The following DPY19L2 variants were observed in gnomAD, a reference collection of about 807,000 sequenced individuals.
DPY19L2 encodes the protein dpy-19 like 2.
A neutral mutation model predicts 97.9 loss-of-function variants in DPY19L2; 34 were observed. The ratio of observed to expected loss-of-function variants is 0.35; its 90% CI spans 0.26 to 0.46. The LOEUF (loss-of-function observed/expected upper bound fraction) is 0.46. DPY19L2 is among the 20% of genes least tolerant of loss of function. DPY19L2 has a pLI of 1.00. For missense variants in DPY19L2, 623 were observed against 911.4 expected (o/e 0.68, Z 4.07); for synonymous variants, 230 against 307.9 (o/e 0.75, Z 2.65).
intron 11 of DPY19L2, among the ~76,000 whole-genome samples, chr12:63,615,254 T>C (rs1887652910): frequency 6.6e-6 from 1 of 152,142 alleles, no homozygotes; most frequent in South Asian, 2.1e-4. Flanking sequence ...AATTCATTAT[T>C]TTTAAAACTT....
At chr12:63,618,317 C>T (rs1888158457) in intron 9 of DPY19L2, 89 bp from the exon 10 acceptor site, 1 of 496,484 alleles carries the variant, frequency 2.0e-6, no homozygotes, top group African/African-American at 2.0e-5. Context: ...AAGAGGAGGG[C>T]TACAGTTCTA....
chr12:63,571,855 T>C (rs1161762394), intron 19 of DPY19L2, among the ~76,000 whole-genome samples: 4 of 152,128 alleles, frequency 2.6e-5, no homozygotes, highest in Non-Finnish European at 4.4e-5. Context: ...TAAAAAACAA[T>C]TACAAAATTG....
chr12:63,635,436 A>C (rs1891484750), intron 6 of DPY19L2, among the ~76,000 whole-genome samples: 1 of 152,174 alleles, frequency 6.6e-6, no homozygotes, highest in Non-Finnish European at 1.5e-5. Flanking sequence ...AAGGAGAATG[A>C]CTTTGACAAG....
intron 21 of DPY19L2, among the ~76,000 whole-genome samples, chr12:63,565,031 G>C (rs551315503): frequency 6.6e-6 from 1 of 152,228 alleles, no homozygotes; most frequent in African/African-American, 2.4e-5. Flanking sequence ...TGTTATTACA[G>C]TCACACCAGC....
intron 4 of DPY19L2, among the ~76,000 whole-genome samples, chr12:63,647,586 G>GATTC (rs1893595984): frequency 6.6e-6 from 1 of 152,078 alleles, no homozygotes; most frequent in Non-Finnish European, 1.5e-5. Context: ...AAGCTTTATA[G>GATTC]ATTCAATGCT....
intron 21 of DPY19L2, among the ~76,000 whole-genome samples, chr12:63,561,535 G>T (rs1456430175): frequency 6.6e-6 from 1 of 151,660 alleles, no homozygotes; most frequent in African/African-American, 2.4e-5. Flanking sequence ...TTCATTTTTG[G>T]CTTCTTTACC....
At chr12:63,626,069 T>G (rs1382568041) in intron 7 of DPY19L2, among the ~76,000 whole-genome samples, 4 of 147,218 alleles carry the variant, frequency 2.7e-5, no homozygotes, top group Non-Finnish European at 5.9e-5. Context: ...CATCATGTAG[T>G]AAATGTGGAA....
At chr12:63,620,656 T>C (rs1270178282) in intron 9 of DPY19L2, among the ~76,000 whole-genome samples, 1 of 152,198 alleles carries the variant, frequency 6.6e-6, no homozygotes, top group African/African-American at 2.4e-5. Context: ...AATGTAACCA[T>C]ATTTAAAAAT....
chr12:63,593,031 A>G (rs113750201), intron 16 of DPY19L2, among the ~76,000 whole-genome samples: 11,555 of 151,506 alleles, frequency 0.076, 633 homozygotes, highest in African/African-American at 0.16. Flanking sequence ...CAAAAAACAC[A>G]TGAAAAAATG....
intron 11 of DPY19L2, among the ~76,000 whole-genome samples, chr12:63,609,199 G>A (rs1034200350): frequency 7.9e-5 from 12 of 152,108 alleles, no homozygotes; most frequent in African/African-American, 2.9e-4. Flanking sequence ...CTTTATAAAG[G>A]CCTGTAGAAT....
At chr12:63,622,308 G>A (rs1888822404) in intron 8 of DPY19L2, among the ~76,000 whole-genome samples, 1 of 152,132 alleles carries the variant, frequency 6.6e-6, no homozygotes, top group Non-Finnish European at 1.5e-5. Flanking sequence ...AACTGGGAAT[G>A]AATAGCAAGG....
intron 21 of DPY19L2, among the ~76,000 whole-genome samples, chr12:63,564,925 C>T (rs1441832715): frequency 1.3e-5 from 2 of 152,036 alleles, no homozygotes; most frequent in Non-Finnish European, 2.9e-5. Flanking sequence ...CATAAATGTT[C>T]AGGGTTGCTA....
intron 12 of DPY19L2, among the ~76,000 whole-genome samples, chr12:63,604,667 T>C (rs957897607): frequency 2.6e-5 from 4 of 152,160 alleles, no homozygotes; most frequent in Non-Finnish European, 5.9e-5. Context: ...ATTGTATTTT[T>C]CAGTTCTATA....
intron 16 of DPY19L2, among the ~76,000 whole-genome samples, chr12:63,584,461 C>G (rs929673860): frequency 4.6e-5 from 7 of 152,174 alleles, no homozygotes; most frequent in Admixed American, 3.9e-4. Flanking sequence ...TTACCTGTGG[C>G]TAACTGCAGT....
At chr12:63,596,059 A>C (rs1474078262) in intron 14 of DPY19L2, 22 bp from the exon 15 acceptor site, 2 of 1,579,322 alleles carry the variant, frequency 1.3e-6, no homozygotes, top group Non-Finnish European at 1.7e-6. Flanking sequence ...CAAATTATTC[A>C]AAATGGTTAC....
intron 11 of DPY19L2, among the ~76,000 whole-genome samples, chr12:63,610,937 C>T (rs1464968310): frequency 7.2e-6 from 1 of 138,156 alleles, no homozygotes; most frequent in East Asian, 2.1e-4. Context: ...AACATTTCCC[C>T]AAAGAATAAA....
At chr12:63,629,590 T>C (rs1890213971) in intron 6 of DPY19L2, among the ~76,000 whole-genome samples, 2 of 152,272 alleles carry the variant, frequency 1.3e-5, no homozygotes, top group South Asian at 2.1e-4. Context: ...CTACGTCTGA[T>C]TGGTGTACCT....
chr12:63,668,108 C>T lies in DPY19L2; in HGVS notation c.286G>A (p.Val96Met), dbSNP rs1896546800. 1 of 1,613,958 alleles carries T rather than the reference C, an allele frequency of 6.2e-7. No homozygotes were observed. The part of the protein sequence containing the change: ...RNSLAQLREK[V>M]QELQARRFSS... ...AACCGCCGCGCCTGCAGTTCCTGCA[C>T]CTTTTCCCGGAGCTGCGCCAGGGAA... The change falls in exon 1 of 22, where the codon GTG becomes ATG. Residue 96 changes from valine (V) to methionine (M), a missense_variant. Transcript: ENST00000324472.
intron 6 of DPY19L2, among the ~76,000 whole-genome samples, chr12:63,644,095 T>C (rs1893067042): frequency 1.3e-5 from 2 of 152,154 alleles, no homozygotes; most frequent in Non-Finnish European, 2.9e-5. Context: ...CTGCTACTAC[T>C]GCTAACCAAA....
Sources: gnomAD v4.1 joint callset for allele counts (sites outside exome capture counted in the v4.1 genomes callset) on GRCh38, gnomAD v4.1.1 for gene constraint, MANE v1.5 for transcripts, NCBI Gene and HGNC (gene_info 2026-07-23, HGNC 2026-07-21) for gene names.